Variants in SFMBT2 observed in about 807,000 individuals in gnomAD.
SFMBT2 encodes the protein Scm like with four mbt domains 2.
SFMBT2 carries 38 observed loss-of-function variants against 110.1 expected under a neutral mutation model. The observed-to-expected ratio is 0.35, with a 90% confidence interval of 0.27 to 0.45. The LOEUF (loss-of-function observed/expected upper bound fraction) is 0.45. SFMBT2 is among the 20% of genes least tolerant of loss of function. The pLI, the probability that SFMBT2 is intolerant of heterozygous loss-of-function variation, is 1.00. For missense variants in SFMBT2, 1,011 were observed against 1,094.9 expected (o/e 0.92, Z 1.08); for synonymous variants, 425 against 425.4 (o/e 1.00, Z 0.01).
intron 11 of SFMBT2, among the ~76,000 whole-genome samples, chr10:7,211,068 G>A (rs534961273): frequency 4.6e-5 from 7 of 152,264 alleles, no homozygotes; most frequent in African/African-American, 7.2e-5. Flanking sequence ...CTGAGGCACC[G>A]GAAGAAATCC....
chr10:7,326,137 A>T (rs536482861), intron 4 of SFMBT2, among the ~76,000 whole-genome samples: 1 of 152,362 alleles, frequency 6.6e-6, no homozygotes, highest in African/African-American at 2.4e-5. Flanking sequence ...AACTCTTGTT[A>T]AGCTTCCAAA....
chr10:7,290,618 T>C (rs1842234615), intron 4 of SFMBT2, among the ~76,000 whole-genome samples: 1 of 152,000 alleles, frequency 6.6e-6, no homozygotes, highest in Admixed American at 6.5e-5. Flanking sequence ...GGAGGATCTC[T>C]TGAGGCCAGA....
At chr10:7,369,602 T>A (rs1845007181) in intron 3 of SFMBT2, among the ~76,000 whole-genome samples, 1 of 152,230 alleles carries the variant, frequency 6.6e-6, no homozygotes, top group Non-Finnish European at 1.5e-5. Flanking sequence ...TATGGTTAGT[T>A]CCTCTAATCT....
intron 9 of SFMBT2, among the ~76,000 whole-genome samples, chr10:7,234,990 C>T (rs1840213751): frequency 6.6e-6 from 1 of 152,170 alleles, no homozygotes; most frequent in Non-Finnish European, 1.5e-5. Context: ...AGAGAGGCAG[C>T]AGAGATGGGC....
intron 1 of SFMBT2, among the ~76,000 whole-genome samples, chr10:7,391,558 C>T (rs1439338166): frequency 6.6e-6 from 1 of 152,132 alleles, no homozygotes; most frequent in Non-Finnish European, 1.5e-5. Context: ...CTACGTCCAC[C>T]CAGGTGACTG....
chr10:7,335,863 A>G (rs1843705267), intron 4 of SFMBT2, among the ~76,000 whole-genome samples: 1 of 152,218 alleles, frequency 6.6e-6, no homozygotes, highest in Non-Finnish European at 1.5e-5. Context: ...TAATTGTTTT[A>G]GTTATTAAAT....
At chr10:7,261,427 G>C (rs1461585970) in intron 7 of SFMBT2, among the ~76,000 whole-genome samples, 1 of 152,212 alleles carries the variant, frequency 6.6e-6, no homozygotes, top group South Asian at 2.1e-4. Context: ...TTATAGACCT[G>C]CAGTCTCTCA....
intron 8 of SFMBT2, among the ~76,000 whole-genome samples, chr10:7,248,291 T>C (rs560469065): frequency 2.3e-4 from 35 of 152,312 alleles, no homozygotes; most frequent in African/African-American, 7.9e-4. Flanking sequence ...AACTCGTCAG[T>C]GGACAACTAT....
intron 7 of SFMBT2, among the ~76,000 whole-genome samples, chr10:7,252,475 C>T (rs954739163): frequency 1.3e-5 from 2 of 152,230 alleles, no homozygotes; most frequent in African/African-American, 2.4e-5. Context: ...GCAGACAACA[C>T]ACAATCTCTT....
chr10:7,263,888 C>T (rs1267856178), intron 7 of SFMBT2, among the ~76,000 whole-genome samples: 1 of 152,208 alleles, frequency 6.6e-6, no homozygotes, highest in African/African-American at 2.4e-5. Flanking sequence ...CTCTTGGCCA[C>T]ATTTAATCTT....
At chr10:7,254,104 C>T (rs112107823) in intron 7 of SFMBT2, among the ~76,000 whole-genome samples, 2,991 of 152,294 alleles carry the variant, frequency 0.02, 37 homozygotes, top group South Asian at 0.047. Flanking sequence ...GCTGTATGTG[C>T]AGAACTTTCC....
chr10:7,277,295 A>G (rs1048279190), intron 6 of SFMBT2: 1 of 166,716 alleles, frequency 6.0e-6, no homozygotes, highest in African/African-American at 2.4e-5. Flanking sequence ...ATTAGCAAAA[A>G]CCTTCAGTCA....
intron 4 of SFMBT2, among the ~76,000 whole-genome samples, chr10:7,343,411 G>A (rs1407800940): frequency 5.3e-5 from 8 of 152,152 alleles, no homozygotes; most frequent in Non-Finnish European, 1.2e-4. Flanking sequence ...TTGCCCATAA[G>A]GGACTGTTGA....
At chr10:7,348,439 A>C in intron 4 of SFMBT2, 1 of 923,868 alleles carries the variant, frequency 1.1e-6, no homozygotes, top group Non-Finnish European at 1.5e-6. Flanking sequence ...TATGTCATTA[A>C]GGGCTTTTCA....
chr10:7,295,630 T>A (rs1296180641), intron 4 of SFMBT2, among the ~76,000 whole-genome samples: 2 of 152,238 alleles, frequency 1.3e-5, no homozygotes, highest in Non-Finnish European at 2.9e-5. Flanking sequence ...TTTCTTTTTA[T>A]TTTTTATTTT....
chr10:7,331,392 C>A (rs976680171), intron 4 of SFMBT2, among the ~76,000 whole-genome samples: 2 of 152,204 alleles, frequency 1.3e-5, no homozygotes, highest in African/African-American at 2.4e-5. Flanking sequence ...TGAAAGACAA[C>A]CTTTAAACAT....
At chr10:7,343,398 G>T (rs1461089424) in intron 4 of SFMBT2, among the ~76,000 whole-genome samples, 4 of 152,118 alleles carry the variant, frequency 2.6e-5, no homozygotes, top group Non-Finnish European at 5.9e-5. Context: ...ATTCCTTTGG[G>T]TATTGCCCAT....
chr10:7,364,812 CCT>C (rs1399036748), intron 4 of SFMBT2, among the ~76,000 whole-genome samples: 1 of 152,220 alleles, frequency 6.6e-6, no homozygotes, highest in Non-Finnish European at 1.5e-5. Context: ...ACGCAACTCC[CCT>C]GAGTGTGAGG....
At chr10:7,300,742 CA>C (rs1005890868) in intron 4 of SFMBT2, among the ~76,000 whole-genome samples, 40 of 152,338 alleles carry the variant, frequency 2.6e-4, no homozygotes, top group African/African-American at 9.6e-4. Flanking sequence ...ATCTAATAAA[CA>C]ATTGGCAAAT....
Sources: gnomAD v4.1 joint callset for allele counts (sites outside exome capture counted in the v4.1 genomes callset) on GRCh38, gnomAD v4.1.1 for gene constraint, MANE v1.5 for transcripts, NCBI Gene and HGNC (gene_info 2026-07-23, HGNC 2026-07-21) for gene names.